MYH11: variants seen among roughly 807,000 people sequenced by gnomAD.
MYH11 encodes myosin-11.
In MYH11, 80 loss-of-function variants were observed where a neutral mutation model predicts 246.6. The observed-to-expected ratio is 0.32, with a 90% CI of 0.27 to 0.39. The LOEUF is 0.39. MYH11 is among the 10% of genes least tolerant of loss of function. The pLI is 1.00. For synonymous variants in MYH11, 1,071 were observed against 1,015.5 expected (o/e 1.05, Z -1.04); for missense variants, 2,158 against 2,546.8 (o/e 0.85, Z 3.29).
chr16:15,724,423 G>A lies in MYH11; in HGVS notation c.4117-14C>T, dbSNP rs374648974. On this transcript the variant is annotated splice_polypyrimidine_tract_variant and intron_variant, in intron 30 of 40. Transcript: ENST00000300036. ...CGAGTCGGAGAGCTACAAGGACAGC[G>A]TCCAGGGTAGGGTGAGAGGGGGACC... 6.1e-5 allele frequency: 98 copies of A among 1,613,438 alleles called. No homozygotes were observed. Among genetic ancestry groups the A allele is most frequent in the Non-Finnish European group, 8.0e-5 (94 of 1,180,030 alleles).
chr16:15,719,832 C>T, intron 34 of MYH11, 119 bp from the exon 35 acceptor site: 13 of 1,416,366 alleles, frequency 9.2e-6, no homozygotes, highest in Non-Finnish European at 1.3e-5. Context: ...AAAGAAGTTC[C>T]CATTGCACGA....
intron 7 of MYH11, 84 bp downstream of exon 7, chr16:15,778,696 G>A (rs1006303017): frequency 2.7e-5 from 35 of 1,292,226 alleles, no homozygotes; most frequent in Non-Finnish European, 4.0e-5. Context: ...AGATAGAGGT[G>A]GCTCTTGGAC....
intron 38 of MYH11, among the ~76,000 whole-genome samples, chr16:15,715,980 A>G (rs1046125505): frequency 1.3e-5 from 2 of 152,050 alleles, no homozygotes; most frequent in East Asian, 1.9e-4. Context: ...TACAATTACA[A>G]GCTGGGTACA....
intron 40 of MYH11, among the ~76,000 whole-genome samples, chr16:15,707,719 C>G (rs537312030): frequency 3.3e-5 from 5 of 152,278 alleles, no homozygotes; most frequent in East Asian, 1.9e-4. Flanking sequence ...TGCTTGTAAT[C>G]CCAGCATTTG....
At chr16:15,800,597 TTGGATGGATGGATGGATGGATGGATGGA>T (rs138132973) in intron 3 of MYH11, among the ~76,000 whole-genome samples, 4 of 143,200 alleles carry the variant, frequency 2.8e-5, no homozygotes, top group Admixed American at 7.0e-5. Context: ...GGTAAATGAG[TTGGATGGATGGATGGATGGATGGATGGA>T]TGGATGGATG....
In MYH11 at chr16:15,745,112, T is replaced by C. The variant is rs185697714; in HGVS notation, c.2520+17A>G. 4.0e-3 allele frequency: 6,387 copies of C among 1,605,218 alleles called. 19 individuals carry two copies. The highest frequency in any genetic ancestry group is 4.3e-3 in the Non-Finnish European group (5,074 of 1,171,970). On this transcript the variant is annotated intron_variant, in intron 20 of 40. Coordinates refer to ENST00000300036, the MANE Select transcript of MYH11 (RefSeq NM_002474.3). ...GGCTGGGGGCCCCTGGGAAGGGGGC[T>C]GGGGCAGAGCACTCACTTTGGTGAA... is the stretch of plus-strand genomic sequence containing the variant.
intron 38 of MYH11, among the ~76,000 whole-genome samples, chr16:15,716,193 A>G (rs2040123826): frequency 6.6e-6 from 1 of 152,150 alleles, no homozygotes; most frequent in Admixed American, 6.5e-5. Flanking sequence ...TCAGCCTCCC[A>G]AAGTGCCGGG....
intron 38 of MYH11, among the ~76,000 whole-genome samples, chr16:15,716,612 G>A (rs1397868046): frequency 6.6e-6 from 1 of 152,090 alleles, no homozygotes; most frequent in Non-Finnish European, 1.5e-5. Flanking sequence ...ACCTCCACGT[G>A]TCACGTTGGA....
At chr16:15,752,085 C>T (rs921638925) in intron 15 of MYH11, among the ~76,000 whole-genome samples, 17 of 151,958 alleles carry the variant, frequency 1.1e-4, no homozygotes, top group Non-Finnish European at 1.9e-4. Context: ...AGCCACCATG[C>T]GCAGCCTCAT....
intron 37 of MYH11, chr16:15,718,089 G>A (rs1268039173): frequency 5.9e-6 from 4 of 674,654 alleles, no homozygotes; most frequent in East Asian, 2.8e-5. Context: ...CAGCCACGCC[G>A]TGGCTGGAAA....
chr16:15,717,606 C>A, intron 37 of MYH11: 1 of 579,268 alleles, frequency 1.7e-6, no homozygotes, highest in Non-Finnish European at 3.1e-6. Flanking sequence ...ACCTGCCTGG[C>A]CAACATGGTG....
chr16:15,706,783 T>C (rs922989421), intron 40 of MYH11, among the ~76,000 whole-genome samples: 1 of 152,204 alleles, frequency 6.6e-6, no homozygotes, highest in Admixed American at 6.5e-5. Flanking sequence ...CACTCTCTTT[T>C]TGGCTCTTGG....
chr16:15,714,817 CA>C, intron 40 of MYH11, 91 bp downstream of exon 40: 2 of 1,492,398 alleles, frequency 1.3e-6, no homozygotes, highest in Non-Finnish European at 1.8e-6. Context: ...GCTGTGGGCA[CA>C]AGGGGCATTT....
intron 4 of MYH11, among the ~76,000 whole-genome samples, chr16:15,790,643 G>T (rs142746914): frequency 6.6e-6 from 1 of 152,290 alleles, no homozygotes; most frequent in Non-Finnish European, 1.5e-5. Context: ...TTCCTGGTCT[G>T]AGCACCCTAA....
intron 4 of MYH11, among the ~76,000 whole-genome samples, chr16:15,786,995 G>T (rs2151307696): frequency 1.3e-5 from 2 of 152,314 alleles, no homozygotes; most frequent in East Asian, 3.9e-4. Context: ...AGGTGGGCCG[G>T]ATGTGGTGGC....
intron 2 of MYH11, among the ~76,000 whole-genome samples, chr16:15,830,687 G>A (rs1472407965): frequency 6.6e-6 from 1 of 152,134 alleles, no homozygotes; most frequent in African/African-American, 2.4e-5. Flanking sequence ...AGACCAGCCT[G>A]GCTAACATGG....
At chr16:15,823,918 C>T (rs1033511712) in intron 2 of MYH11, among the ~76,000 whole-genome samples, 3 of 152,102 alleles carry the variant, frequency 2.0e-5, no homozygotes, top group African/African-American at 7.2e-5. Flanking sequence ...TGAGCCATTG[C>T]ACCTGGCCAA....
chr16:15,782,214 T>TA (rs943348029), intron 6 of MYH11, among the ~76,000 whole-genome samples, 171 bp downstream of exon 6: 1 of 152,032 alleles, frequency 6.6e-6, no homozygotes, highest in Non-Finnish European at 1.5e-5. Flanking sequence ...GTGAATAAAT[T>TA]AATGAATGAA....
chr16:15,823,169 A>G, intron 3 of MYH11, 86 bp downstream of exon 3: 1 of 1,583,576 alleles, frequency 6.3e-7, no homozygotes, highest in South Asian at 1.1e-5. Context: ...TGCCTGCCAA[A>G]CTCCACATTC....
Sources: gnomAD v4.1 joint callset for allele counts (sites outside exome capture counted in the v4.1 genomes callset) on GRCh38, gnomAD v4.1.1 for gene constraint, MANE v1.5 for transcripts, NCBI Gene and HGNC (gene_info 2026-07-23, HGNC 2026-07-21) for gene names.